The following TACC2 variants were observed in gnomAD, a reference collection of about 807,000 sequenced individuals.
TACC2 encodes transforming acidic coiled-coil-containing protein 2.
TACC2 carries 137 observed loss-of-function variants against 227.3 expected under a neutral mutation model. The ratio of observed to expected loss-of-function variants is 0.60; its 90% confidence interval spans 0.52 to 0.69. TACC2 has a LOEUF of 0.69. Ranked by LOEUF, TACC2 falls within the 30% of genes least tolerant of loss-of-function variation. TACC2 has a pLI of 0.00. For synonymous variants in TACC2, 1,523 were observed against 1,487.5 expected (o/e 1.02, Z -0.55); for missense variants, 3,470 against 3,694.4 (o/e 0.94, Z 1.57).
intron 2 of TACC2, among the ~76,000 whole-genome samples, chr10:122,046,241 G>A (rs189380245): frequency 0.024 from 3,572 of 151,964 alleles, 155 homozygotes; most frequent in African/African-American, 0.082. Flanking sequence ...TTGGGAGGCC[G>A]AGGCGGGTGG....
intron 5 of TACC2, among the ~76,000 whole-genome samples, chr10:122,125,321 A>C (rs2086621083): frequency 6.6e-6 from 1 of 151,748 alleles, no homozygotes; most frequent in Non-Finnish European, 1.5e-5. Context: ...TCAGCCTCCC[A>C]AGTAGCTGAG....
intron 3 of TACC2, among the ~76,000 whole-genome samples, chr10:122,071,032 A>G (rs962046732): frequency 2.0e-5 from 3 of 152,228 alleles, no homozygotes; most frequent in African/African-American, 7.2e-5. Flanking sequence ...TAGCTATACA[A>G]GCAAAACTCT....
At chr10:122,008,617 G>A (rs569724370) in intron 1 of TACC2, among the ~76,000 whole-genome samples, 1 of 151,664 alleles carries the variant, frequency 6.6e-6, no homozygotes, top group South Asian at 2.1e-4. Flanking sequence ...CTGTCACCCA[G>A]GCTGGAGTGC....
chr10:122,144,604 G>A (rs185213250), intron 7 of TACC2, among the ~76,000 whole-genome samples: 78 of 152,308 alleles, frequency 5.1e-4, no homozygotes, highest in African/African-American at 1.6e-3. Context: ...TGCCCAAAGC[G>A]TAGACAACCA....
At chr10:122,008,853 A>T (rs2135284510) in intron 1 of TACC2, among the ~76,000 whole-genome samples, 1 of 152,316 alleles carries the variant, frequency 6.6e-6, no homozygotes, top group South Asian at 2.1e-4. Flanking sequence ...GATAACAGGC[A>T]TGAGCCACCA....
intron 1 of TACC2, among the ~76,000 whole-genome samples, chr10:121,992,727 G>A (rs1012974430): frequency 5.3e-5 from 8 of 152,126 alleles, no homozygotes; most frequent in African/African-American, 1.9e-4. Context: ...GGCCAAGGAG[G>A]GTGGATTGCC....
chr10:122,248,525 T>A, intron 19 of TACC2, 118 bp from the exon 20 acceptor site: 1 of 1,209,668 alleles, frequency 8.3e-7, no homozygotes, highest in Non-Finnish European at 1.2e-6. Flanking sequence ...AAGGAAAAGC[T>A]GGGGTTTGAG....
chr10:122,020,354 A>G (rs2135507849), intron 1 of TACC2, among the ~76,000 whole-genome samples: 1 of 152,096 alleles, frequency 6.6e-6, no homozygotes, highest in East Asian at 1.9e-4. Context: ...AGCAAAAGGC[A>G]AGAAAGGATT....
chr10:122,224,665 T>A (rs1241713887), intron 11 of TACC2, 61 bp from the exon 12 acceptor site: 1 of 1,508,898 alleles, frequency 6.6e-7, no homozygotes, highest in South Asian at 1.1e-5. Context: ...CCCATTTTTT[T>A]CCTCTGGCAC....
intron 7 of TACC2, among the ~76,000 whole-genome samples, chr10:122,169,715 G>T (rs2140030132): frequency 6.6e-6 from 1 of 152,176 alleles, no homozygotes; most frequent in South Asian, 2.1e-4. Flanking sequence ...TGCCGATAAT[G>T]CCCCAATTTA....
intron 3 of TACC2, among the ~76,000 whole-genome samples, chr10:122,075,322 T>C (rs766283089): frequency 6.6e-6 from 1 of 150,788 alleles, no homozygotes; most frequent in Non-Finnish European, 1.5e-5. Flanking sequence ...GCTGCATCAG[T>C]GCAGGTGCCA....
intron 15 of TACC2, 50 bp downstream of exon 15, chr10:122,229,536 A>G (rs2095693538): frequency 1.2e-6 from 2 of 1,605,876 alleles, no homozygotes; most frequent in South Asian, 1.1e-5. Flanking sequence ...ACCTCAGTAG[A>G]GAATGAACCC....
At position 122,049,245 on chromosome 10, in the gene TACC2, A is replaced by G. The variant is rs537740563; in HGVS notation, c.34-1193A>G. On this transcript the variant is annotated intron_variant, in intron 2 of 22. Coordinates refer to ENST00000369005, the MANE Select transcript of TACC2 (RefSeq NM_206862.4). ...TAGGGCAGAATGAGGCCTTGGCCCCAGCAGGGCTGCTCCCTCTGCCTGGCA... is the reference window on the plus strand; with the variant it reads ...TAGGGCAGAATGAGGCCTTGGCCCCGGCAGGGCTGCTCCCTCTGCCTGGCA... Among the ~76,000 whole-genome samples the G allele has an allele frequency of 1.4e-4, 22 of 152,346 alleles. No individual in the cohort carries two copies. In the East Asian group the frequency reaches 4.0e-3, roughly 28 times the overall value.
At chr10:122,201,457 G>A (rs12245430) in intron 8 of TACC2, among the ~76,000 whole-genome samples, 1,953 of 152,244 alleles carry the variant, frequency 0.013, 41 homozygotes, top group African/African-American at 0.044. Context: ...CCCCAGGGTG[G>A]CCACATCTAC....
At chr10:122,237,640 G>T in intron 17 of TACC2, 102 bp downstream of exon 17, 2 of 1,404,978 alleles carry the variant, frequency 1.4e-6, no homozygotes, top group Non-Finnish European at 1.9e-6. Context: ...TTTGTCCTCT[G>T]AACGCTGCAG....
At chr10:122,135,072 T>C (rs1461669016) in intron 6 of TACC2, among the ~76,000 whole-genome samples, 1 of 152,184 alleles carries the variant, frequency 6.6e-6, no homozygotes, top group Non-Finnish European at 1.5e-5. Flanking sequence ...ACTGCTGTCA[T>C]GGCTGCCATC....
intron 3 of TACC2, among the ~76,000 whole-genome samples, chr10:122,056,856 T>TA (rs1188057357): frequency 6.6e-6 from 1 of 152,110 alleles, no homozygotes; most frequent in African/African-American, 2.4e-5. Context: ...TTCCTGAAGG[T>TA]AACTGGAAGC....
In TACC2 at chr10:122,022,013, A is replaced by G; in HGVS notation, c.32A>G (p.Gln11Arg). 6.2e-7 allele frequency: 1 copy of G among 1,614,182 alleles called. No homozygotes were observed. The highest frequency in any genetic ancestry group is 1.6e-4 in the Middle Eastern group (1 of 6,062). The change falls in exon 2 of 23, where the codon CAG becomes CGG. Residue 11 changes from glutamine to arginine, a missense_variant and splice_region_variant. Coordinates refer to ENST00000369005, the MANE Select transcript of TACC2 (RefSeq NM_206862.4). MGNENSTSDN[Q>R]RTLSAQTPRS... is the part of the protein sequence containing the mutation. ...AATGAGAACAGCACCTCGGACAACC[A>G]GGTGGGTGTCAGGAAGCTTCTCTCT...
chr10:122,184,967 T>C (rs1297845547), intron 7 of TACC2, among the ~76,000 whole-genome samples: 2 of 151,664 alleles, frequency 1.3e-5, no homozygotes, highest in African/African-American at 4.8e-5. Flanking sequence ...AGCTGACTGC[T>C]CTTTGATTTC....
Sources: gnomAD v4.1 joint callset for allele counts (sites outside exome capture counted in the v4.1 genomes callset) on GRCh38, gnomAD v4.1.1 for gene constraint, MANE v1.5 for transcripts, NCBI Gene and HGNC (gene_info 2026-07-23, HGNC 2026-07-21) for gene names.